NOL4L: variants seen among roughly 807,000 people sequenced by gnomAD.
NOL4L encodes nucleolar protein 4-like.
NOL4L carries 7 observed loss-of-function variants against 64.5 expected under a neutral mutation model. The ratio of observed to expected loss-of-function variants is 0.11; its 90% CI spans 0.06 to 0.20. The LOEUF (loss-of-function observed/expected upper bound fraction) is 0.20, where lower values mean the gene tolerates loss of function less well. NOL4L is among the 10% of genes least tolerant of loss of function. The pLI is 1.00. For missense variants in NOL4L, 680 were observed against 967.1 expected (o/e 0.70, Z 3.94); for synonymous variants, 413 against 401.0 (o/e 1.03, Z -0.36).
At chr20:32,584,546 C>CGCG (rs1475472764) in intron 1 of NOL4L, 24 bp downstream of exon 1, 1 of 1,320,886 alleles carries the variant, frequency 7.6e-7, no homozygotes, top group African/African-American at 1.6e-5. Flanking sequence ...GGGACCCGCC[C>CGCG]GCGGCCGCCG....
intron 1 of NOL4L, among the ~76,000 whole-genome samples, chr20:32,545,964 T>C (rs1225836163): frequency 1.3e-5 from 2 of 151,302 alleles, no homozygotes; most frequent in Non-Finnish European, 2.9e-5. Flanking sequence ...TTTTTTTTTT[T>C]TGGAGACAGA....
At chr20:32,470,375 G>A (rs918845835) in intron 5 of NOL4L, among the ~76,000 whole-genome samples, 11 of 152,240 alleles carry the variant, frequency 7.2e-5, no homozygotes, top group Admixed American at 2.0e-4. Flanking sequence ...GCATGCCTTC[G>A]TTCATTTTCA....
intron 4 of NOL4L, among the ~76,000 whole-genome samples, chr20:32,484,942 T>C (rs1404575439): frequency 6.6e-6 from 1 of 150,420 alleles, no homozygotes; most frequent in Non-Finnish European, 1.5e-5. Context: ...AGGGGATCCA[T>C]TCCCACCCCA....
At chr20:32,471,932 G>A (rs960720348) in intron 5 of NOL4L, among the ~76,000 whole-genome samples, 23 of 152,138 alleles carry the variant, frequency 1.5e-4, no homozygotes, top group African/African-American at 5.3e-4. Flanking sequence ...TGCCATGCCT[G>A]TACAGCCTGT....
rs897556301 is a variant in NOL4L, at chr20:32,556,905, G to A, written c.321+27665C>T. 2.0e-5 allele frequency among the ~76,000 whole-genome samples: 3 copies of A among 152,228 alleles called. No homozygotes were observed. The East Asian group carries it at 5.8e-4, about 29-fold the overall frequency. ...CTTGCTCCTTCTGCACCAGCGACGT[G>A]ACTATGCAGGAGGCAGCTTGTGTGA... On this transcript the variant is annotated intron_variant, in intron 1 of 10. Transcript: ENST00000621426.
At chr20:32,517,186 A>T (rs1365511867) in intron 3 of NOL4L, among the ~76,000 whole-genome samples, 1 of 152,162 alleles carries the variant, frequency 6.6e-6, no homozygotes, top group Non-Finnish European at 1.5e-5. Context: ...TGAGCAAAGG[A>T]GGCCACTCTA....
intron 5 of NOL4L, among the ~76,000 whole-genome samples, chr20:32,469,361 ATTTTTTTTTCTT>A (rs539243067): frequency 1.3e-5 from 2 of 150,128 alleles, no homozygotes; most frequent in African/African-American, 2.5e-5. Flanking sequence ...TTATTTTTCT[ATTTTTTTTTCTT>A]TTTTTTCTTT....
At chr20:32,550,286 G>A (rs751487230) in intron 1 of NOL4L, among the ~76,000 whole-genome samples, 3 of 152,230 alleles carry the variant, frequency 2.0e-5, no homozygotes, top group East Asian at 1.9e-4. Context: ...TCACTCTGTC[G>A]CCCAGGCTGG....
intron 4 of NOL4L, among the ~76,000 whole-genome samples, chr20:32,497,573 A>T (rs185723816): frequency 3.9e-5 from 6 of 152,278 alleles, no homozygotes; most frequent in Admixed American, 3.9e-4. Flanking sequence ...TGGAGTGAGG[A>T]GTTTAGTTGC....
intron 1 of NOL4L, among the ~76,000 whole-genome samples, chr20:32,554,682 G>A (rs1331067187): frequency 6.6e-6 from 1 of 152,144 alleles, no homozygotes; most frequent in Non-Finnish European, 1.5e-5. Context: ...AGGAGGCCCA[G>A]AGGGCCTTGA....
rs76548129 is a variant in NOL4L, at chr20:32,454,385, C to T, written c.1120-624G>A. Among the ~76,000 whole-genome samples the T allele has an allele frequency of 9.5e-3, 1,444 of 152,314 alleles. 12 individuals are homozygous for T. Among genetic ancestry groups the T allele is most frequent in the Admixed American group, 0.018 (268 of 15,300 alleles). On this transcript the variant is annotated intron_variant, in intron 6 of 10. Coordinates refer to ENST00000621426, the MANE Select transcript of NOL4L (RefSeq NM_001256798.2). The stretch of plus-strand genomic sequence containing the variant: ...CCCCCACCCAGGACAGCACAGTGGC[C>T]CCTTGAGAATATGCGGGTAGAAAGG...
intron 1 of NOL4L, among the ~76,000 whole-genome samples, chr20:32,574,105 G>A (rs1018920385): frequency 2.6e-5 from 4 of 152,218 alleles, no homozygotes; most frequent in African/African-American, 9.6e-5. Context: ...GATCAAAGCA[G>A]GCAAGCCATT....
chr20:32,545,084 G>A (rs1040682496), intron 1 of NOL4L, among the ~76,000 whole-genome samples: 31 of 152,204 alleles, frequency 2.0e-4, no homozygotes, highest in Non-Finnish European at 3.5e-4. Context: ...ACCTACAGAG[G>A]TTTATTACAA....
At chr20:32,564,449 T>C (rs1979293683) in intron 1 of NOL4L, among the ~76,000 whole-genome samples, 1 of 152,182 alleles carries the variant, frequency 6.6e-6, no homozygotes, top group Admixed American at 6.5e-5. Context: ...TGGTAGGACA[T>C]GAAGGAGCCA....
chr20:32,525,532 C>A (rs544520351), intron 2 of NOL4L, among the ~76,000 whole-genome samples: 1 of 152,196 alleles, frequency 6.6e-6, no homozygotes, highest in Admixed American at 6.5e-5. Context: ...TGCATGCAAC[C>A]TTCATACATG....
At chr20:32,510,205 G>A (rs780119828) in intron 4 of NOL4L, 1 of 356,004 alleles carries the variant, frequency 2.8e-6, no homozygotes, top group African/African-American at 2.1e-5. Context: ...GAGAAGACGT[G>A]GGAGACACAG....
intron 10 of NOL4L, 118 bp downstream of exon 10, chr20:32,452,118 C>T: frequency 1.2e-6 from 1 of 848,124 alleles, no homozygotes; most frequent in Non-Finnish European, 1.7e-6. Flanking sequence ...TGCTGTGAGG[C>T]AGCCCCTTTC....
At chr20:32,496,806 C>CAG (rs1345957498) in intron 4 of NOL4L, among the ~76,000 whole-genome samples, 1 of 151,970 alleles carries the variant, frequency 6.6e-6, no homozygotes, top group Non-Finnish European at 1.5e-5. Flanking sequence ...GCCTCAGCCT[C>CAG]CCAAAAAGTG....
chr20:32,519,569 A>G (rs1435665151), intron 3 of NOL4L: 6 of 152,190 alleles, frequency 3.9e-5, no homozygotes, highest in African/African-American at 1.4e-4. Flanking sequence ...CCTGGGCACC[A>G]TTTCTCAGGG....
Sources: gnomAD v4.1 joint callset for allele counts (sites outside exome capture counted in the v4.1 genomes callset) on GRCh38, gnomAD v4.1.1 for gene constraint, MANE v1.5 for transcripts, NCBI Gene and HGNC (gene_info 2026-07-23, HGNC 2026-07-21) for gene names.